Variants in CNTN5 observed in about 807,000 individuals in gnomAD.
CNTN5 encodes contactin-5.
CNTN5 carries 77 observed loss-of-function variants against 129.1 expected under a neutral mutation model. The ratio of observed to expected loss-of-function variants is 0.60; its 90% CI spans 0.50 to 0.72. CNTN5 has a LOEUF of 0.72. Ranked by LOEUF, CNTN5 falls within the 30% of genes least tolerant of loss-of-function variation. CNTN5 has a pLI of 0.00. For missense variants in CNTN5, 1,478 were observed against 1,328.8 expected, an observed-to-expected ratio of 1.11 and a Z score of -1.75; for synonymous variants, 509 against 465.6, an observed-to-expected ratio of 1.09 and a Z score of -1.20.
intron 2 of CNTN5, among the ~76,000 whole-genome samples, chr11:99,427,952 C>A (rs1015091102): frequency 1.3e-5 from 2 of 151,872 alleles, no homozygotes; most frequent in Non-Finnish European, 2.9e-5. Context: ...CCAACTTAAT[C>A]ACGTAAAACT....
Position 100,104,021 on chromosome 11 carries a change from A to T in CNTN5, c.1580+29727A>T, listed in dbSNP as rs186048189. The stretch of plus-strand genomic sequence containing the variant: ...TGTCAAGTAGAATGGAAATTTGTTA[A>T]ATTATCTGCTTCTCACATATTATTT... On this transcript the variant is annotated intron_variant, in intron 13 of 24. Transcript: ENST00000524871. 2.0e-5 allele frequency among the ~76,000 whole-genome samples: 3 copies of T among 152,296 alleles called. No individual in the cohort carries two copies. The East Asian group carries it at 5.8e-4, about 29-fold the overall frequency.
chr11:99,518,951 C>A lies in CNTN5; in HGVS notation c.-70-37194C>A, dbSNP rs139407081. ...CTGCTAAGCTCCACCCTTCTAATTT[C>A]TTCTTCATACCTCATCCAGAGTTAA... is the stretch of plus-strand genomic sequence containing the variant. On this transcript the variant is annotated intron_variant, in intron 2 of 24. Coordinates refer to ENST00000524871, the MANE Select transcript of CNTN5 (RefSeq NM_014361.4). Among the ~76,000 whole-genome samples the A allele has an allele frequency of 8.4e-3, 1,282 of 152,120 alleles. 19 individuals carry two copies. The highest frequency in any genetic ancestry group is 0.029 in the African/African-American group (1,213 of 41,526).
At chr11:100,287,192 T>G (rs2138845235) in intron 18 of CNTN5, among the ~76,000 whole-genome samples, 1 of 152,266 alleles carries the variant, frequency 6.6e-6, no homozygotes, top group African/African-American at 2.4e-5. Flanking sequence ...TGCAGAATAT[T>G]ATCCAGGAGA....
intron 6 of CNTN5, among the ~76,000 whole-genome samples, chr11:99,911,339 T>G (rs1313231622): frequency 6.6e-6 from 1 of 151,982 alleles, no homozygotes. Context: ...ACCTCAGTAT[T>G]GGCACTCCAT....
chr11:100,287,394 C>T (rs1950822239), intron 18 of CNTN5, among the ~76,000 whole-genome samples: 1 of 150,820 alleles, frequency 6.6e-6, no homozygotes, highest in Non-Finnish European at 1.5e-5. Flanking sequence ...GCCCATCAGA[C>T]TAACAGCGGA....
chr11:99,057,781 C>T lies in CNTN5; in HGVS notation c.-210+36511C>T, dbSNP rs545192502. On this transcript the variant is annotated intron_variant, in intron 1 of 24. Transcript: ENST00000524871. ...TGTAATAAGTAAGTGAAACATGAAA[C>T]ATAAGTGTGTGTGTGTGTGTGTGTG... is the stretch of plus-strand genomic sequence containing the variant. Among the ~76,000 whole-genome samples, 14 of 121,746 alleles carry T rather than the reference C, an allele frequency of 1.1e-4. No individual in the cohort carries two copies. The South Asian group carries it at 3.7e-3, about 32-fold the overall frequency. The allele number at this position is 121,746 out of a possible 152,430, so 79.9% of individuals were successfully genotyped here.
At chr11:99,422,364 T>A (rs1413970916) in intron 2 of CNTN5, among the ~76,000 whole-genome samples, 1 of 151,528 alleles carries the variant, frequency 6.6e-6, no homozygotes, top group African/African-American at 2.4e-5. Flanking sequence ...TCTAATTTAG[T>A]CTCCAAATAG....
intron 3 of CNTN5, among the ~76,000 whole-genome samples, chr11:99,774,995 G>C (rs1285574153): frequency 3.9e-5 from 6 of 152,006 alleles, no homozygotes; most frequent in African/African-American, 1.4e-4. Flanking sequence ...TTTGGTTCAG[G>C]TCTGTGGACC....
chr11:100,122,239 TAA>T (rs2138168593), intron 13 of CNTN5, among the ~76,000 whole-genome samples: 1 of 152,062 alleles, frequency 6.6e-6, no homozygotes, highest in African/African-American at 2.4e-5. Context: ...TGGAATGGTA[TAA>T]GTCTTGGAGT....
chr11:99,293,838 ATTT>A (rs1864272657), intron 1 of CNTN5, among the ~76,000 whole-genome samples: 1 of 151,460 alleles, frequency 6.6e-6, no homozygotes, highest in Non-Finnish European at 1.5e-5. Context: ...AGGTTTGTAA[ATTT>A]TCCTTATCTT....
chr11:99,192,195 T>C (rs965851243), intron 1 of CNTN5, among the ~76,000 whole-genome samples: 3 of 150,628 alleles, frequency 2.0e-5, no homozygotes, highest in Non-Finnish European at 4.5e-5. Context: ...GAAAAAAAAA[T>C]TACAATGGAA....
chr11:100,231,181 A>T (rs1949479958), intron 16 of CNTN5, among the ~76,000 whole-genome samples: 1 of 152,212 alleles, frequency 6.6e-6, no homozygotes, highest in Non-Finnish European at 1.5e-5. Flanking sequence ...CAAGTGATGC[A>T]TATCCATCAA....
chr11:99,747,664 G>A (rs1267031082), intron 3 of CNTN5, among the ~76,000 whole-genome samples: 3 of 151,724 alleles, frequency 2.0e-5, no homozygotes, highest in Non-Finnish European at 2.9e-5. Context: ...TAGTAGAGAC[G>A]AGGTTTCACT....
In CNTN5 at chr11:99,522,454, G is replaced by T. The variant is rs752287329; in HGVS notation, c.-70-33691G>T. Reference sequence around the variant, plus strand: ...TTCAAATATGCAAAGGGCTATTCTAGTATACTACTGGAACAAGTAACGGTA... The same window carrying T: ...TTCAAATATGCAAAGGGCTATTCTATTATACTACTGGAACAAGTAACGGTA... On this transcript the variant is annotated intron_variant, in intron 2 of 24. Transcript: ENST00000524871. 1.3e-3 allele frequency among the ~76,000 whole-genome samples: 193 copies of T among 151,886 alleles called. 3 individuals are homozygous for T. The highest frequency in any genetic ancestry group is 1.2e-3 in the Admixed American group (19 of 15,242).
At chr11:99,146,353 A>T (rs2135476122) in intron 1 of CNTN5, among the ~76,000 whole-genome samples, 1 of 152,248 alleles carries the variant, frequency 6.6e-6, no homozygotes, top group East Asian at 1.9e-4. Flanking sequence ...TATGTATTAC[A>T]CATATTTGGC....
intron 1 of CNTN5, among the ~76,000 whole-genome samples, chr11:99,170,898 T>C (rs921661910): frequency 2.0e-5 from 3 of 152,206 alleles, no homozygotes; most frequent in African/African-American, 7.2e-5. Context: ...GAAAGTAATG[T>C]CATGTCAATT....
Position 99,845,170 on chromosome 11 carries a change from C to T in CNTN5, c.485C>T (p.Pro162Leu), listed in dbSNP as rs1947645816. The change falls in exon 6 of 25, where the codon CCA (proline) becomes CTA (leucine). Residue 162 changes from proline to leucine, a missense_variant. By Grantham distance (98) the Pro-to-Leu change is moderately conservative (BLOSUM62 -3). Transcript: ENST00000524871. ...GATGGCACCTTCATTATAAGCAATC[C>T]AAGTGAAGCAAAGGATTCTGGTCAT... is the stretch of plus-strand genomic sequence containing the variant. ...LIDGTFIISN[P>L]SEAKDSGHYQ... 1 of 1,613,514 alleles carries T rather than the reference C, an allele frequency of 6.2e-7. No homozygotes were observed. Among genetic ancestry groups the T allele is most frequent in the Non-Finnish European group, 8.5e-7 (1 of 1,179,776 alleles).
intron 3 of CNTN5, among the ~76,000 whole-genome samples, chr11:99,787,951 C>T (rs964462079): frequency 6.6e-6 from 1 of 151,820 alleles, no homozygotes; most frequent in African/African-American, 2.4e-5. Flanking sequence ...ATTATAATGC[C>T]ATTATAATTT....
chr11:100,299,041 A>G (rs1051543438), intron 19 of CNTN5, 121 bp from the exon 20 acceptor site: 1 of 635,274 alleles, frequency 1.6e-6, no homozygotes, highest in African/African-American at 1.9e-5. Flanking sequence ...CCAATGTAGT[A>G]TAAAGATTTG....
Sources: gnomAD v4.1 joint callset for allele counts (sites outside exome capture counted in the v4.1 genomes callset) on GRCh38, gnomAD v4.1.1 for gene constraint, MANE v1.5 for transcripts, NCBI Gene and HGNC (gene_info 2026-07-23, HGNC 2026-07-21) for gene names.